NRXN1: variants seen among roughly 807,000 people sequenced by gnomAD.
NRXN1 encodes the protein neurexin-1.
NRXN1 carries 39 observed loss-of-function variants against 150.9 expected under a neutral mutation model. The observed-to-expected ratio is 0.26, with a 90% confidence interval of 0.20 to 0.34. The LOEUF is 0.34. NRXN1 is among the 10% of genes least tolerant of loss of function. NRXN1 has a pLI of 1.00. For synonymous variants in NRXN1, 924 were observed against 757.0 expected (o/e 1.22, Z -3.62); for missense variants, 1,815 against 1,949.9 (o/e 0.93, Z 1.30).
chr2:50,977,284 G>C (rs1014381125), intron 2 of NRXN1, among the ~76,000 whole-genome samples: 3 of 151,586 alleles, frequency 2.0e-5, no homozygotes, highest in Non-Finnish European at 4.4e-5. Flanking sequence ...TAATAATTTT[G>C]CTCAATATTT....
intron 17 of NRXN1, among the ~76,000 whole-genome samples, chr2:50,276,974 G>C (rs575894186): frequency 6.6e-6 from 1 of 152,102 alleles, no homozygotes. Context: ...TTTCATGTAA[G>C]CATCATGGAT....
In NRXN1 at chr2:51,019,229, G is replaced by A. The variant is rs1000047357; in HGVS notation, c.772+8273C>T. Among the ~76,000 whole-genome samples, 5 of 152,116 alleles carry A rather than the reference G, an allele frequency of 3.3e-5. No homozygotes were observed. In the South Asian group the frequency reaches 8.3e-4, roughly 25 times the overall value. ...CCCAAATCCCAGCTCTGCCATTTAC[G>A]AGCTACTGAACTTTTAGCAAGTGAT... On this transcript the variant is annotated intron_variant, in intron 2 of 22. Transcript: ENST00000401669.
Position 50,528,606 on chromosome 2 carries a change from A to T in NRXN1, c.2374+19T>A. 7.0e-7 allele frequency: 1 copy of T among 1,419,412 alleles called. No individual in the cohort carries two copies. Among genetic ancestry groups the T allele is most frequent in the South Asian group, 1.2e-5 (1 of 81,616 alleles). 87.9% of individuals were successfully genotyped at this position (1,419,412 alleles called of 1,614,324 possible). A position where few individuals can be genotyped will look rare whatever the true frequency, so the allele number is the denominator to read the frequency against. ...ATAATGGAGGAATAACATTTTAAAA[A>T]TTTTGAATAGGCACTTACTGGAATT... is the stretch of plus-strand genomic sequence containing the variant. On this transcript the variant is annotated intron_variant, in intron 12 of 22. Transcript: ENST00000401669.
chr2:50,165,602 G>C (rs1030307439), intron 18 of NRXN1, among the ~76,000 whole-genome samples: 4 of 152,148 alleles, frequency 2.6e-5, no homozygotes, highest in African/African-American at 7.2e-5. Flanking sequence ...ACCCACCTCA[G>C]CCTCCCGAAG....
chr2:49,985,366 G>A (rs775857395), intron 21 of NRXN1, among the ~76,000 whole-genome samples: 20 of 152,194 alleles, frequency 1.3e-4, no homozygotes, highest in Non-Finnish European at 2.8e-4. Context: ...TATATTTAAT[G>A]AAGACCAAAG....
intron 8 of NRXN1, among the ~76,000 whole-genome samples, chr2:50,595,860 C>T (rs776912115): frequency 3.9e-5 from 6 of 152,154 alleles, no homozygotes; most frequent in Non-Finnish European, 5.9e-5. Context: ...AACCAAAATG[C>T]TAAAACAATG....
At chr2:50,418,070 T>C (rs2083684767) in intron 17 of NRXN1, among the ~76,000 whole-genome samples, 1 of 151,994 alleles carries the variant, frequency 6.6e-6, no homozygotes, top group Non-Finnish European at 1.5e-5. Context: ...ACCATGATGA[T>C]GACCTGAACC....
chr2:50,412,914 C>T (rs1015855529), intron 17 of NRXN1, among the ~76,000 whole-genome samples: 1 of 152,170 alleles, frequency 6.6e-6, no homozygotes, highest in Non-Finnish European at 1.5e-5. Context: ...CAATCTTTCT[C>T]CATATGTGAA....
intron 17 of NRXN1, among the ~76,000 whole-genome samples, chr2:50,421,092 T>C (rs764476619): frequency 2.6e-5 from 4 of 151,652 alleles, no homozygotes; most frequent in Non-Finnish European, 5.9e-5. Context: ...TGTTATTTGC[T>C]AGGTGGGAGA....
At chr2:50,287,417 T>C (rs967210002) in intron 17 of NRXN1, among the ~76,000 whole-genome samples, 6 of 152,166 alleles carry the variant, frequency 3.9e-5, no homozygotes, top group Admixed American at 1.3e-4. Flanking sequence ...CATTGTTGTC[T>C]TCCAAATGTT....
intron 21 of NRXN1, among the ~76,000 whole-genome samples, chr2:49,950,064 A>C (rs1043466092): frequency 2.6e-5 from 4 of 151,964 alleles, no homozygotes; most frequent in African/African-American, 9.7e-5. Flanking sequence ...GTGTCCTGAT[A>C]ACCTATGGAG....
At chr2:50,445,411 GA>G (rs1300777532) in intron 17 of NRXN1, among the ~76,000 whole-genome samples, 1 of 152,114 alleles carries the variant, frequency 6.6e-6, no homozygotes, top group Admixed American at 6.6e-5. Context: ...ATCACAAAGG[GA>G]ATGAATCATT....
chr2:49,936,817 T>TAC lies in NRXN1; in HGVS notation c.4216+6885_4216+6886dup, dbSNP rs58323578. On this transcript the variant is annotated intron_variant, in intron 22 of 22. Coordinates refer to ENST00000401669, the MANE Select transcript of NRXN1 (RefSeq NM_001330078.2). ...TAAAAAACAAAACAAAAAACATATG[T>TAC]ACACACACACACACACACACACACA... Among the ~76,000 whole-genome samples the TAC allele has an allele frequency of 4.2e-3, 628 of 148,568 alleles. 3 individuals are homozygous for TAC. Among genetic ancestry groups the TAC allele is most frequent in the East Asian group, 8.1e-3 (41 of 5,052 alleles).
chr2:50,405,745 A>G (rs1343350592), intron 17 of NRXN1, among the ~76,000 whole-genome samples: 1 of 152,152 alleles, frequency 6.6e-6, no homozygotes, highest in Non-Finnish European at 1.5e-5. Flanking sequence ...CACGTGACTC[A>G]AACACAGTGC....
In NRXN1 at chr2:50,725,292, T is replaced by C. The variant is rs532640471; in HGVS notation, c.833-101677A>G. Among the ~76,000 whole-genome samples, 4 of 151,264 alleles carry C rather than the reference T, an allele frequency of 2.6e-5. No homozygotes were observed. The South Asian group carries it at 8.3e-4, about 32-fold the overall frequency. ...TTTGTGTTTCCTGATAGAAGAAAAA[T>C]ATGTTTGGGCTCATGTTTATAGTGT... On this transcript the variant is annotated intron_variant, in intron 5 of 22. Coordinates refer to ENST00000401669, the MANE Select transcript of NRXN1 (RefSeq NM_001330078.2).
Position 50,091,315 on chromosome 2 carries a change from T to C in NRXN1, c.3718+8A>G, listed in dbSNP as rs939526667. On this transcript the variant is annotated splice_region_variant and intron_variant, in intron 19 of 22. Coordinates refer to ENST00000401669, the MANE Select transcript of NRXN1 (RefSeq NM_001330078.2). Reference sequence around the variant, plus strand: ...AAATCTTCCCCCGATACATATTCACTTGCTTACCTGCAGGGTAGCGCTCGA... The same window carrying C: ...AAATCTTCCCCCGATACATATTCACCTGCTTACCTGCAGGGTAGCGCTCGA... 6.2e-7 allele frequency: 1 copy of C among 1,614,100 alleles called. No homozygotes were observed.
chr2:50,904,420 A>C (rs964435215), intron 5 of NRXN1, among the ~76,000 whole-genome samples: 5 of 152,156 alleles, frequency 3.3e-5, no homozygotes, highest in African/African-American at 1.2e-4. Flanking sequence ...AAATGTATCC[A>C]AGTTCATATT....
chr2:50,872,961 A>C (rs1678015386), intron 5 of NRXN1, among the ~76,000 whole-genome samples: 1 of 151,790 alleles, frequency 6.6e-6, no homozygotes, highest in Admixed American at 6.6e-5. Flanking sequence ...TGATTGTACC[A>C]CTATACTCCA....
intron 5 of NRXN1, among the ~76,000 whole-genome samples, chr2:50,828,595 G>A (rs1341546281): frequency 1.2e-4 from 18 of 150,842 alleles, no homozygotes; most frequent in African/African-American, 3.7e-4. Flanking sequence ...CAGACAGGGC[G>A]GTGGGGCAAA....
Sources: allele counts gnomAD v4.1 joint callset (sites outside exome capture counted in the v4.1 genomes callset), GRCh38; gene constraint gnomAD v4.1.1; transcripts MANE v1.5; gene names NCBI Gene and HGNC (gene_info 2026-07-23, HGNC 2026-07-21).